WDFY4: variants seen among roughly 807,000 people sequenced by gnomAD.
The protein encoded by WDFY4 is WD repeat- and FYVE domain-containing protein 4.
In WDFY4, 169 loss-of-function variants were observed where a neutral mutation model predicts 351.9. The ratio of observed to expected loss-of-function variants is 0.48; its 90% CI spans 0.42 to 0.55. The LOEUF is 0.55. Ranked by LOEUF, WDFY4 falls within the 20% of genes least tolerant of loss-of-function variation. The pLI is 0.00. For missense variants in WDFY4, 3,803 were observed against 3,935.6 expected (o/e 0.97, Z 0.90); for synonymous variants, 1,622 against 1,574.6 (o/e 1.03, Z -0.71).
At position 48,779,980 on chromosome 10, in the gene WDFY4, G is replaced by C. The variant is rs771339471; in HGVS notation, c.3437G>C (p.Gly1146Ala). The C allele has an allele frequency of 1.9e-6, 3 of 1,551,824 alleles. No individual in the cohort carries two copies. The highest frequency in any genetic ancestry group is 2.0e-5 in the Admixed American group (1 of 51,012). The change falls in exon 19 of 62, where the codon GGA becomes GCA. Residue 1146 changes from glycine to alanine, a missense_variant. Physicochemically the swap from Gly to Ala is moderately conservative, Grantham distance 60. Around this residue, in one of 3 missense-constraint regions of WDFY4, gnomAD observed 3,054 missense variants for 3,148.6 expected, o/e 0.97. Coordinates refer to ENST00000325239, the MANE Select transcript of WDFY4 (RefSeq NM_001394531.1). ...EPEDDSEPSA[G>A]CQLQVRCGQL... ...GAGGATGACTCCGAGCCTTCTGCAG[G>C]ATGCCAGCTTCAGGTCAGGTGTGGC...
intron 39 of WDFY4, among the ~76,000 whole-genome samples, chr10:48,856,735 T>C (rs1429524670): frequency 6.6e-6 from 1 of 152,208 alleles, no homozygotes; most frequent in East Asian, 1.9e-4. Flanking sequence ...TACATTATTT[T>C]GTAACATGCA....
intron 12 of WDFY4, among the ~76,000 whole-genome samples, chr10:48,756,864 C>G (rs2065352856): frequency 6.6e-6 from 1 of 151,924 alleles, no homozygotes; most frequent in African/African-American, 2.4e-5. Flanking sequence ...GATTTTTGCA[C>G]CTATGTTCAT....
At position 48,908,286 on chromosome 10, in the gene WDFY4, G is replaced by A. The variant is rs947488753; in HGVS notation, c.7586+6423G>A. The stretch of plus-strand genomic sequence containing the variant: ...GGGGAACAGGTGTGCAAATGCCCAG[G>A]AATGCTGATGAGCAACCCACTGGTT... On this transcript the variant is annotated intron_variant, in intron 47 of 61. Coordinates refer to ENST00000325239, the MANE Select transcript of WDFY4 (RefSeq NM_001394531.1). Among the ~76,000 whole-genome samples the A allele has an allele frequency of 3.3e-5, 5 of 152,322 alleles. No individual in the cohort carries two copies. The South Asian group carries it at 1.0e-3, about 32-fold the overall frequency.
At position 48,867,351 on chromosome 10, in the gene WDFY4, C is replaced by T; in HGVS notation, c.6741+9C>T. On this transcript the variant is annotated intron_variant, in intron 40 of 61. Coordinates refer to ENST00000325239, the MANE Select transcript of WDFY4 (RefSeq NM_001394531.1). ...ACAAAGACCATGTGCAAGTAAGAAA[C>T]AAAACATAGGCTTTCTCTATACAGC... 1 of 1,471,296 alleles carries T rather than the reference C, an allele frequency of 6.8e-7. No homozygotes were observed. Among genetic ancestry groups the T allele is most frequent in the Admixed American group, 2.4e-5 (1 of 41,104 alleles). 91.1% of individuals were successfully genotyped at this position (1,471,296 alleles called of 1,614,324 possible). A position where few individuals can be genotyped will look rare whatever the true frequency, so the allele number is the denominator to read the frequency against.
rs1360375197 is a variant in WDFY4 at position 48,811,535 on chromosome 10, A to G, written c.5045-4A>G. 1 of 1,552,058 alleles carries G rather than the reference A, an allele frequency of 6.4e-7. No homozygotes were observed. Among genetic ancestry groups the G allele is most frequent in the African/African-American group, 1.4e-5 (1 of 73,038 alleles). ...CTTTTGTGCCCCCTTTGCCTGATCA[A>G]TAGACAACCTGAAGAGCCAGTCACC... On this transcript the variant is annotated splice_polypyrimidine_tract_variant and splice_region_variant and intron_variant, in intron 29 of 61. Coordinates refer to ENST00000325239, the MANE Select transcript of WDFY4 (RefSeq NM_001394531.1).
intron 24 of WDFY4, among the ~76,000 whole-genome samples, chr10:48,801,664 G>A (rs2067094100): frequency 6.6e-6 from 1 of 152,002 alleles, no homozygotes; most frequent in Non-Finnish European, 1.5e-5. Flanking sequence ...TTTCCTGGCG[G>A]AAGAACAATC....
rs148741142 is a variant in WDFY4 at position 48,801,679 on chromosome 10, C to T, written c.4411-1607C>T. On this transcript the variant is annotated intron_variant, in intron 24 of 61. Transcript: ENST00000325239. ...TTTCCTGGCGGAAGAACAATCCACTCATTTTATTTTATTTTGTATCCACTC... is the reference window on the plus strand; with the variant it reads ...TTTCCTGGCGGAAGAACAATCCACTTATTTTATTTTATTTTGTATCCACTC... Among the ~76,000 whole-genome samples the T allele has an allele frequency of 1.5e-3, 235 of 152,300 alleles. 2 individuals are homozygous for T. The highest frequency in any genetic ancestry group is 3.0e-3 in the Non-Finnish European group (202 of 68,012).
At chr10:48,966,266 C>T (rs1213243713) in intron 54 of WDFY4, among the ~76,000 whole-genome samples, 1 of 152,138 alleles carries the variant, frequency 6.6e-6, no homozygotes, top group African/African-American at 2.4e-5. Context: ...TTCTCCCAAG[C>T]AGCTTGGGAA....
chr10:48,772,971 A>T (rs188688498), intron 13 of WDFY4, among the ~76,000 whole-genome samples: 1 of 151,776 alleles, frequency 6.6e-6, no homozygotes, highest in Admixed American at 6.5e-5. Flanking sequence ...GTTGGTTCCA[A>T]GTCTTTGCTA....
intron 1 of WDFY4, among the ~76,000 whole-genome samples, chr10:48,695,545 A>G (rs1425333547): frequency 6.6e-6 from 1 of 152,228 alleles, no homozygotes; most frequent in Admixed American, 6.5e-5. Flanking sequence ...CAGTGGGAAT[A>G]GTAATGCCTA....
At chr10:48,690,577 C>T (rs1482440400) in intron 1 of WDFY4, among the ~76,000 whole-genome samples, 1 of 152,134 alleles carries the variant, frequency 6.6e-6, no homozygotes, top group Admixed American at 6.5e-5. Flanking sequence ...GGCAGGTTGT[C>T]CTGATGAGCA....
chr10:48,964,528 C>T (rs537763762), intron 54 of WDFY4, among the ~76,000 whole-genome samples: 1 of 152,316 alleles, frequency 6.6e-6, no homozygotes, highest in East Asian at 1.9e-4. Flanking sequence ...TAAATAAATA[C>T]CTTGCCTAGA....
intron 40 of WDFY4, among the ~76,000 whole-genome samples, chr10:48,868,826 C>A (rs2069651120): frequency 6.6e-6 from 1 of 152,074 alleles, no homozygotes; most frequent in Non-Finnish European, 1.5e-5. Flanking sequence ...AGGAGAGATG[C>A]CCTGGGGTAC....
intron 39 of WDFY4, among the ~76,000 whole-genome samples, chr10:48,860,624 T>G (rs2069303733): frequency 1.3e-5 from 2 of 152,246 alleles, no homozygotes; most frequent in Admixed American, 1.3e-4. Flanking sequence ...ACATTCAGTT[T>G]ATAATATAAT....
chr10:48,685,291 C>A (rs992987318), intron 1 of WDFY4, among the ~76,000 whole-genome samples: 6 of 152,172 alleles, frequency 3.9e-5, no homozygotes, highest in African/African-American at 1.4e-4. Flanking sequence ...CAGCACTCCT[C>A]GACCTCTGAC....
In WDFY4 at chr10:48,854,045, G is replaced by A. The variant is rs551417191; in HGVS notation, c.6664-13220G>A. On this transcript the variant is annotated intron_variant, in intron 39 of 61. Coordinates refer to ENST00000325239, the MANE Select transcript of WDFY4 (RefSeq NM_001394531.1). ...AGGTATTTCTTTGAAGTATGAAGAT[G>A]TTTATAACCAAACTCATAGAGCATT... 2.0e-5 allele frequency among the ~76,000 whole-genome samples: 3 copies of A among 152,052 alleles called. No homozygotes were observed. The South Asian group carries it at 6.2e-4, about 32-fold the overall frequency.
chr10:48,860,623 T>C (rs547653754), intron 39 of WDFY4, among the ~76,000 whole-genome samples: 1 of 152,250 alleles, frequency 6.6e-6, no homozygotes, highest in Non-Finnish European at 1.5e-5. Flanking sequence ...AACATTCAGT[T>C]TATAATATAA....
chr10:48,966,528 C>G lies in WDFY4; in HGVS notation c.8439C>G (p.Leu2813=). Residue 2813 remains leucine (L), a splice_region_variant and synonymous_variant, in exon 55 of 62, where the codon CTC becomes CTG. Transcript: ENST00000325239. ...VSNFGQVPKQ[L]FTKPHPARTA... The stretch of plus-strand genomic sequence containing the variant: ...GTGTCTGTTCCCTGTCTCTCTAGCT[C>G]TTTACCAAACCTCACCCAGCCAGGA... 1 of 1,552,026 alleles carries G rather than the reference C, an allele frequency of 6.4e-7. No individual in the cohort carries two copies. Among genetic ancestry groups the G allele is most frequent in the Non-Finnish European group, 8.7e-7 (1 of 1,147,022 alleles).
rs748228536 is a variant in WDFY4, at chr10:48,721,242, T to C, written c.350-19T>C. 1 of 1,551,234 alleles carries C rather than the reference T, an allele frequency of 6.4e-7. No individual in the cohort carries two copies. The highest frequency in any genetic ancestry group is 1.2e-5 in the South Asian group (1 of 84,054). The stretch of plus-strand genomic sequence containing the variant: ...GTGGGCAGGTCGCTGTATGCCCTGC[T>C]GGTGACACTTTCTTCCAGAGCAAGC... On this transcript the variant is annotated intron_variant, in intron 3 of 61. Coordinates refer to ENST00000325239, the MANE Select transcript of WDFY4 (RefSeq NM_001394531.1).
Sources: gnomAD v4.1 joint callset for allele counts (sites outside exome capture counted in the v4.1 genomes callset) on GRCh38, gnomAD v4.1.1 for gene constraint, gnomAD v4.1.1 regional missense constraint, MANE v1.5 for transcripts, NCBI Gene and HGNC (gene_info 2026-07-23, HGNC 2026-07-21) for gene names.